FBXO16: variants seen among roughly 807,000 people sequenced by gnomAD.
FBXO16 encodes the protein F-box protein 16.
A neutral mutation model predicts 41.0 loss-of-function variants in FBXO16; 31 were observed. That is an observed-to-expected ratio of 0.76 (90% confidence interval 0.57 to 1.02). The LOEUF (loss-of-function observed/expected upper bound fraction) is 1.02. FBXO16 is among the 50% of genes least tolerant of loss of function. FBXO16 has a pLI of 0.00. For synonymous variants in FBXO16, 133 were observed against 117.8 expected (o/e 1.13, Z -0.84); for missense variants, 361 against 346.2 (o/e 1.04, Z -0.34).
At chr8:28,484,398 T>G (rs575558633) in intron 1 of FBXO16, among the ~76,000 whole-genome samples, 3 of 152,304 alleles carry the variant, frequency 2.0e-5, no homozygotes, top group Admixed American at 2.0e-4. Flanking sequence ...TTTTTAGTTA[T>G]CCAGTATATG....
chr8:28,451,313 G>A (rs1489917021), intron 6 of FBXO16, among the ~76,000 whole-genome samples: 1 of 151,702 alleles, frequency 6.6e-6, no homozygotes, highest in African/African-American at 2.4e-5. Context: ...GATTTCTGGT[G>A]TGTTTGTCAA....
At position 28,452,240 on chromosome 8, in the gene FBXO16, T is replaced by C. The variant is rs1412074331; in HGVS notation, c.740+4A>G. 2.5e-6 allele frequency: 4 copies of C among 1,612,424 alleles called. No individual in the cohort carries two copies. The South Asian group carries it at 4.4e-5, about 18-fold the overall frequency. On this transcript the variant is annotated splice_donor_region_variant and intron_variant, in intron 6 of 8. Transcript: ENST00000380254. ...GAAGTTGAGAAGAGCATGGAGCTTCTTACCCTTGCTGGACAGTCTCCATGG... is the reference window on the plus strand; with the variant it reads ...GAAGTTGAGAAGAGCATGGAGCTTCCTACCCTTGCTGGACAGTCTCCATGG...
intron 6 of FBXO16, among the ~76,000 whole-genome samples, chr8:28,449,805 C>T (rs1802923570): frequency 6.6e-6 from 1 of 151,692 alleles, no homozygotes; most frequent in Admixed American, 6.6e-5. Context: ...AACCTCGTCC[C>T]TACTAAAAAT....
intron 3 of FBXO16, among the ~76,000 whole-genome samples, chr8:28,469,400 T>C (rs1803295719): frequency 6.6e-6 from 1 of 152,108 alleles, no homozygotes; most frequent in Non-Finnish European, 1.5e-5. Context: ...GGCATGATCA[T>C]CGTGCACTAC....
At chr8:28,447,858 G>A (rs1434972452) in intron 6 of FBXO16, among the ~76,000 whole-genome samples, 1 of 152,194 alleles carries the variant, frequency 6.6e-6, no homozygotes, top group Non-Finnish European at 1.5e-5. Flanking sequence ...GGAGGCTGAG[G>A]CAGGAGAATC....
At chr8:28,467,743 C>T (rs1322935556) in intron 3 of FBXO16, among the ~76,000 whole-genome samples, 1 of 152,134 alleles carries the variant, frequency 6.6e-6, no homozygotes, top group Non-Finnish European at 1.5e-5. Context: ...TATAAAAGAA[C>T]ATTAGTATTA....
At chr8:28,489,412 C>T (rs987140987) in intron 1 of FBXO16, among the ~76,000 whole-genome samples, 16 of 150,978 alleles carry the variant, frequency 1.1e-4, no homozygotes, top group Non-Finnish European at 4.4e-5. Context: ...TGGTGGCTCA[C>T]GCCTATAATC....
intron 4 of FBXO16, 96 bp downstream of exon 4, chr8:28,463,516 G>T (rs1803179641): frequency 8.6e-7 from 1 of 1,165,914 alleles, no homozygotes; most frequent in Admixed American, 2.1e-5. Flanking sequence ...ATGTGTGTGT[G>T]TGTATGCCTG....
chr8:28,459,858 C>G (rs1348642681), intron 4 of FBXO16, among the ~76,000 whole-genome samples: 5 of 151,502 alleles, frequency 3.3e-5, no homozygotes, highest in Admixed American at 3.3e-4. Flanking sequence ...GAAACCCTGT[C>G]TCTAGTAAAA....
chr8:28,430,085 A>G (rs558023519), intron 7 of FBXO16, among the ~76,000 whole-genome samples: 1 of 152,190 alleles, frequency 6.6e-6, no homozygotes, highest in African/African-American at 2.4e-5. Flanking sequence ...ATTTTATTTT[A>G]TTTTTGAGAC....
intron 3 of FBXO16, among the ~76,000 whole-genome samples, chr8:28,468,415 G>C (rs1446749895): frequency 6.6e-6 from 1 of 152,164 alleles, no homozygotes; most frequent in Non-Finnish European, 1.5e-5. Context: ...GGTGGGAGGG[G>C]GATAAAGAGA....
At chr8:28,483,960 G>A (rs995578384) in intron 1 of FBXO16, among the ~76,000 whole-genome samples, 3 of 152,226 alleles carry the variant, frequency 2.0e-5, no homozygotes, top group African/African-American at 7.2e-5. Context: ...CTCAATGGAA[G>A]TGCACAATTA....
In FBXO16 at chr8:28,488,268, A is replaced by T. The variant is rs1403240660; in HGVS notation, c.-17+1918T>A. ...TAGCAAGGATGGGTCCCCTGGCCAC[A>T]TACTTCCAATTTGATCTTCTAAGCC... On this transcript the variant is annotated intron_variant, in intron 1 of 8. Transcript: ENST00000380254. 2.7e-5 allele frequency among the ~76,000 whole-genome samples: 4 copies of T among 149,252 alleles called. No individual in the cohort carries two copies. The South Asian group carries it at 6.4e-4, about 24-fold the overall frequency.
Position 28,456,922 on chromosome 8 carries a change from C to T in FBXO16, c.351G>A (p.Trp117Ter), listed in dbSNP as rs758447534. 5.0e-6 allele frequency: 8 copies of T among 1,611,994 alleles called. No individual in the cohort carries two copies. Among genetic ancestry groups the T allele is most frequent in the Non-Finnish European group, 6.8e-6 (8 of 1,179,032 alleles). Residue 117 changes from tryptophan to a stop codon, truncating the protein, a stop_gained, in exon 5 of 9, where the codon TGG becomes TGA. Coordinates refer to ENST00000380254, the MANE Select transcript of FBXO16 (RefSeq NM_172366.4). LOFTEE classifies it high-confidence loss of function. ...RSLCRCAQVC[W>*]HWKNLAELDQ... ...CCAGCTCAGCAAGGTTCTTCCAATG[C>T]CAGCACACCTGGAAAAACAATTACA...
At chr8:28,476,105 A>G (rs1306770084) in intron 2 of FBXO16, among the ~76,000 whole-genome samples, 1 of 152,200 alleles carries the variant, frequency 6.6e-6, no homozygotes, top group Non-Finnish European at 1.5e-5. Context: ...CAGAGCTTCA[A>G]GAGGAAGTTG....
At chr8:28,460,116 A>T (rs1803103140) in intron 4 of FBXO16, among the ~76,000 whole-genome samples, 1 of 150,386 alleles carries the variant, frequency 6.6e-6, no homozygotes, top group South Asian at 2.1e-4. Flanking sequence ...CTCTCCCATC[A>T]CTATCCCCCA....
At chr8:28,467,576 T>G (rs1803265267) in intron 3 of FBXO16, among the ~76,000 whole-genome samples, 1 of 152,212 alleles carries the variant, frequency 6.6e-6, no homozygotes, top group Admixed American at 6.5e-5. Flanking sequence ...GTATGTGGGT[T>G]AAGTAACTAT....
chr8:28,452,238 T>C lies in FBXO16; in HGVS notation c.740+6A>G, dbSNP rs370470041. 1.1e-5 allele frequency: 18 copies of C among 1,612,038 alleles called. No homozygotes were observed. In the African/African-American group the frequency reaches 2.4e-4, roughly 22 times the overall value. On this transcript the variant is annotated splice_donor_region_variant and intron_variant, in intron 6 of 8. Coordinates refer to ENST00000380254, the MANE Select transcript of FBXO16 (RefSeq NM_172366.4). ...AAGAAGTTGAGAAGAGCATGGAGCT[T>C]CTTACCCTTGCTGGACAGTCTCCAT...
At chr8:28,438,763 G>A (rs1013277915) in intron 7 of FBXO16, among the ~76,000 whole-genome samples, 7 of 152,132 alleles carry the variant, frequency 4.6e-5, no homozygotes, top group Non-Finnish European at 7.4e-5. Flanking sequence ...GTGGTACGAT[G>A]GGCATTGAAC....
Sources: allele counts gnomAD v4.1 joint callset (sites outside exome capture counted in the v4.1 genomes callset), GRCh38; gene constraint gnomAD v4.1.1; transcripts MANE v1.5; gene names NCBI Gene and HGNC (gene_info 2026-07-23, HGNC 2026-07-21).